Variants in RBM19 observed in about 807,000 individuals in gnomAD.
The protein encoded by RBM19 is RNA binding motif protein 19.
Under a neutral mutation model 116.8 loss-of-function variants are expected in RBM19, and 94 were observed. That is an observed-to-expected ratio of 0.80 (90% CI 0.68 to 0.95). The LOEUF (loss-of-function observed/expected upper bound fraction) is 0.95. Ranked by LOEUF, RBM19 falls within the 40% of genes least tolerant of loss-of-function variation. The pLI, the probability that RBM19 is intolerant of heterozygous loss-of-function variation, is 0.00. For synonymous variants in RBM19, 475 were observed against 494.1 expected (o/e 0.96, Z 0.51); for missense variants, 1,161 against 1,220.7 (o/e 0.95, Z 0.73).
At chr12:113,854,430 G>C (rs780137589) in intron 22 of RBM19, among the ~76,000 whole-genome samples, 3 of 152,038 alleles carry the variant, frequency 2.0e-5, no homozygotes, top group Non-Finnish European at 4.4e-5. Context: ...ATGCAGTCCT[G>C]CTTGAGTCCT....
chr12:113,946,379 C>T lies in RBM19; in HGVS notation c.1504G>A (p.Ala502Thr), dbSNP rs745330728. 21 of 1,614,064 alleles carry T rather than the reference C, an allele frequency of 1.3e-5. No homozygotes were observed. In the East Asian group the frequency reaches 4.7e-4, roughly 36 times the overall value. Reference sequence around the variant, plus strand: ...CTGGCACTGTTGGCTTTGTCCTGGGCCTCCTTCTTCTTCTTGTAGGACGAC... The same window carrying T: ...CTGGCACTGTTGGCTTTGTCCTGGGTCTCCTTCTTCTTCTTGTAGGACGAC... ...GSSSYKKKKE[A>T]QDKANSASSH... Residue 502 changes from alanine to threonine, a missense_variant, in exon 12 of 24, where the codon GCC becomes ACC. Physicochemically the swap from Ala to Thr is moderately conservative, Grantham distance 58 (BLOSUM62 0). Transcript: ENST00000261741.
chr12:113,949,799 G>A (rs976606053), intron 9 of RBM19, among the ~76,000 whole-genome samples: 2 of 152,088 alleles, frequency 1.3e-5, no homozygotes, highest in Non-Finnish European at 2.9e-5. Flanking sequence ...TCCAATCCCT[G>A]CCCTCCCCAG....
chr12:113,929,980 C>T (rs1262636111), intron 16 of RBM19, among the ~76,000 whole-genome samples: 3 of 152,260 alleles, frequency 2.0e-5, no homozygotes, highest in Non-Finnish European at 4.4e-5. Context: ...ACAGCCCCTT[C>T]TTGGCACTGG....
chr12:113,916,929 G>C (rs1370993804), intron 20 of RBM19, among the ~76,000 whole-genome samples: 1 of 152,190 alleles, frequency 6.6e-6, no homozygotes, highest in African/African-American at 2.4e-5. Context: ...TTTAAGTTCT[G>C]GGATACTTTG....
intron 14 of RBM19, among the ~76,000 whole-genome samples, chr12:113,941,920 T>A (rs568494080): frequency 6.6e-6 from 1 of 152,316 alleles, no homozygotes; most frequent in South Asian, 2.1e-4. Context: ...TAAGCTGCAG[T>A]CATCCATAAA....
At chr12:113,827,728 G>A (rs1875001807) in intron 23 of RBM19, among the ~76,000 whole-genome samples, 1 of 152,024 alleles carries the variant, frequency 6.6e-6, no homozygotes, top group South Asian at 2.1e-4. Context: ...GCTGGATTCT[G>A]AGTGGAGAGG....
chr12:113,935,798 C>G (rs1168394977), intron 16 of RBM19, among the ~76,000 whole-genome samples: 1 of 152,184 alleles, frequency 6.6e-6, no homozygotes, highest in Non-Finnish European at 1.5e-5. Context: ...CTTTGGGAGG[C>G]TGAGGCAGGC....
intron 19 of RBM19, 55 bp downstream of exon 19, chr12:113,920,556 C>T: frequency 6.7e-7 from 1 of 1,494,292 alleles, no homozygotes; most frequent in Middle Eastern, 1.7e-4. Flanking sequence ...CTGACGGGAC[C>T]TCCCACTACC....
At position 113,945,920 on chromosome 12, in the gene RBM19, G is replaced by C; in HGVS notation, c.1534C>G (p.His512Asp). ...AQDKANSASS[H>D]NWNTLFMGPN... ...CCCATGAATAGTGTGTTCCAGTTGT[G>C]AGAGCTAAGAGGCAGAGGCAGAACA... The change falls in exon 13 of 24, where the codon CAC becomes GAC. Residue 512 changes from histidine (H) to aspartate (D), a missense_variant. His to Asp is a moderately conservative substitution (Grantham distance 81). Coordinates refer to ENST00000261741, the MANE Select transcript of RBM19 (RefSeq NM_016196.4). The C allele has an allele frequency of 6.4e-7, 1 of 1,567,240 alleles. No individual in the cohort carries two copies. The highest frequency in any genetic ancestry group is 1.1e-5 in the South Asian group (1 of 90,012).
At chr12:113,891,500 G>A (rs556726239) in intron 21 of RBM19, among the ~76,000 whole-genome samples, 1 of 152,282 alleles carries the variant, frequency 6.6e-6, no homozygotes, top group Non-Finnish European at 1.5e-5. Flanking sequence ...GTTTGGACCT[G>A]GCATCACTCT....
rs1356664513 is a variant in RBM19, at chr12:113,962,312, TA to T, written c.138del (p.Phe46LeufsTer82). ...GCCTCTTCCTCGGACTTGAAGCCAA[TA>T]AAACCAAACTTGCGGAACTTGCCAT... ...TKDGKFRKFGFIGFKSEEEAQ... is the reference protein window; with the variant it reads ...TKDGKFRKFGXIGFKSEEEAQ... On this transcript the variant is annotated frameshift_variant, in exon 2 of 24. Transcript: ENST00000261741. LOFTEE classifies it high-confidence loss of function. The T allele has an allele frequency of 5.6e-6, 9 of 1,614,080 alleles. No individual in the cohort carries two copies. The highest frequency in any genetic ancestry group is 6.8e-6 in the Non-Finnish European group (8 of 1,180,044).
chr12:113,960,921 C>T (rs910993504), intron 2 of RBM19, among the ~76,000 whole-genome samples: 5 of 152,192 alleles, frequency 3.3e-5, no homozygotes, highest in South Asian at 4.1e-4. Context: ...ACTTTGAGAG[C>T]GCTGGTTACT....
intron 16 of RBM19, among the ~76,000 whole-genome samples, chr12:113,928,624 G>GGTGTGTGTGTGTGTGTGTGT (rs757641377): frequency 4.1e-4 from 22 of 54,304 alleles, no homozygotes; most frequent in African/African-American, 1.7e-3. Context: ...GTTAGCAAGG[G>GGTGTGTGTGTGTGTGTGTGT]ATGTGTGTGT....
intron 16 of RBM19, among the ~76,000 whole-genome samples, chr12:113,934,320 C>T (rs1486073457): frequency 2.0e-5 from 3 of 152,322 alleles, no homozygotes; most frequent in East Asian, 1.9e-4. Context: ...ATATCATGCC[C>T]GTTTTACAGA....
At chr12:113,884,157 G>C (rs1382795572) in intron 21 of RBM19, among the ~76,000 whole-genome samples, 2 of 150,532 alleles carry the variant, frequency 1.3e-5, no homozygotes, top group East Asian at 2.0e-4. Flanking sequence ...GGTGATGCAA[G>C]ATTGTGGACC....
At chr12:113,953,898 T>A (rs1436830698) in intron 7 of RBM19, among the ~76,000 whole-genome samples, 1 of 152,266 alleles carries the variant, frequency 6.6e-6, no homozygotes, top group Admixed American at 6.5e-5. Context: ...TGACAGAGAT[T>A]AAATGGCTTA....
intron 21 of RBM19, among the ~76,000 whole-genome samples, chr12:113,894,110 T>C (rs1217112544): frequency 1.3e-5 from 2 of 150,430 alleles, no homozygotes; most frequent in African/African-American, 4.8e-5. Context: ...TAGGCCAAGA[T>C]GTCTCAAGAC....
chr12:113,924,820 G>C, intron 17 of RBM19, 63 bp from the exon 18 acceptor site: 1 of 1,382,558 alleles, frequency 7.2e-7, no homozygotes, highest in South Asian at 1.2e-5. Flanking sequence ...AAGGGCACCT[G>C]TCAAACACTA....
chr12:113,834,641 T>C (rs1443490022), intron 23 of RBM19, among the ~76,000 whole-genome samples: 2 of 152,080 alleles, frequency 1.3e-5, no homozygotes, highest in Non-Finnish European at 1.5e-5. Context: ...TAAAAACAGA[T>C]TGTAGGCTGT....
Sources: allele counts gnomAD v4.1 joint callset (sites outside exome capture counted in the v4.1 genomes callset), GRCh38; gene constraint gnomAD v4.1.1; transcripts MANE v1.5; gene names NCBI Gene and HGNC (gene_info 2026-07-23, HGNC 2026-07-21).